USH2A: variants seen among roughly 807,000 people sequenced by gnomAD.
The protein encoded by USH2A is usherin.
USH2A carries 443 observed loss-of-function variants against 538.9 expected under a neutral mutation model. That is an observed-to-expected ratio of 0.82 (90% CI 0.76 to 0.89). The LOEUF is 0.89. USH2A is among the 40% of genes least tolerant of loss of function. The probability of loss-of-function intolerance (pLI) is 0.00; values close to 1 mark genes in which losing one functional copy is unlikely to be tolerated. For synonymous variants in USH2A, 2,413 were observed against 2,273.5 expected, an observed-to-expected ratio of 1.06 and a Z score of -1.75; for missense variants, 6,633 against 6,324.8, an observed-to-expected ratio of 1.05 and a Z score of -1.65.
chr1:216,126,803 A>G (rs1277263800), intron 21 of USH2A, among the ~76,000 whole-genome samples: 7 of 152,174 alleles, frequency 4.6e-5, no homozygotes, highest in Non-Finnish European at 1.0e-4. Flanking sequence ...TCCAAGCAGT[A>G]TTTCACTGGA....
At chr1:216,069,327 G>C (rs888902271) in intron 30 of USH2A, among the ~76,000 whole-genome samples, 19 of 152,198 alleles carry the variant, frequency 1.2e-4, no homozygotes, top group Admixed American at 8.5e-4. Context: ...GTAAAGTCTT[G>C]AGGGAATTGA....
chr1:216,290,888 GC>G (rs150672202), intron 10 of USH2A, among the ~76,000 whole-genome samples: 2,254 of 151,874 alleles, frequency 0.015, 57 homozygotes, highest in African/African-American at 0.052. Flanking sequence ...TCCTTCCCTT[GC>G]CTACACTCTG....
At chr1:216,312,360 TAGTC>T (rs1243286137) in intron 9 of USH2A, among the ~76,000 whole-genome samples, 2 of 152,202 alleles carry the variant, frequency 1.3e-5, no homozygotes, top group Non-Finnish European at 2.9e-5. Flanking sequence ...GAAAAATTCT[TAGTC>T]ATTATTGTTC....
chr1:216,040,140 T>G (rs2030210070), intron 32 of USH2A, among the ~76,000 whole-genome samples: 1 of 151,728 alleles, frequency 6.6e-6, no homozygotes, highest in African/African-American at 2.4e-5. Flanking sequence ...TCAGTCTTAG[T>G]GATAGAAATC....
chr1:215,958,404 A>G (rs1055749660), intron 37 of USH2A, among the ~76,000 whole-genome samples: 2 of 152,196 alleles, frequency 1.3e-5, no homozygotes, highest in African/African-American at 4.8e-5. Context: ...AGTTAAAAAT[A>G]CACTTTCATC....
At chr1:216,287,235 G>A (rs2036903472) in intron 11 of USH2A, among the ~76,000 whole-genome samples, 1 of 152,112 alleles carries the variant, frequency 6.6e-6, no homozygotes, top group African/African-American at 2.4e-5. Flanking sequence ...AATAGCAGCT[G>A]ACAAAATTCA....
intron 21 of USH2A, among the ~76,000 whole-genome samples, chr1:216,126,523 G>A (rs962586764): frequency 2.8e-4 from 42 of 151,988 alleles, no homozygotes; most frequent in Non-Finnish European, 5.1e-4. Context: ...GTGCTGGGCC[G>A]AGTGCTTGCT....
chr1:216,379,453 CAA>C (rs200210124), intron 3 of USH2A, among the ~76,000 whole-genome samples: 1 of 141,688 alleles, frequency 7.1e-6, no homozygotes, highest in Admixed American at 7.1e-5. Flanking sequence ...CTTTCTCCAG[CAA>C]AAAAAAAAAG....
At chr1:216,358,577 C>A (rs1056022280) in intron 4 of USH2A, among the ~76,000 whole-genome samples, 3 of 152,026 alleles carry the variant, frequency 2.0e-5, no homozygotes, top group East Asian at 1.9e-4. Context: ...GGCATGGAGC[C>A]TGGCTCATTA....
chr1:216,106,157 C>T (rs1481016603), intron 21 of USH2A, among the ~76,000 whole-genome samples: 1 of 147,074 alleles, frequency 6.8e-6, no homozygotes, highest in Non-Finnish European at 1.5e-5. Flanking sequence ...CACTATTTCA[C>T]TTTTATATAT....
chr1:215,952,855 G>A (rs1167747634), intron 37 of USH2A, among the ~76,000 whole-genome samples: 1 of 152,068 alleles, frequency 6.6e-6, no homozygotes, highest in Non-Finnish European at 1.5e-5. Context: ...ACAATTATGT[G>A]TCTTGGAGTT....
intron 64 of USH2A, among the ~76,000 whole-genome samples, chr1:215,657,347 G>C (rs1029081179): frequency 2.0e-5 from 3 of 152,210 alleles, no homozygotes; most frequent in African/African-American, 7.2e-5. Context: ...CTTCTTTGCT[G>C]GAATCGCGGT....
At chr1:216,124,534 A>C (rs189750671) in intron 21 of USH2A, among the ~76,000 whole-genome samples, 68 of 152,332 alleles carry the variant, frequency 4.5e-4, no homozygotes, top group African/African-American at 1.6e-3. Flanking sequence ...AGACAAAGCA[A>C]AAGCTCAGCA....
At chr1:216,095,823 G>C (rs1250710703) in intron 22 of USH2A, among the ~76,000 whole-genome samples, 1 of 152,092 alleles carries the variant, frequency 6.6e-6, no homozygotes, top group African/African-American at 2.4e-5. Flanking sequence ...GGATCTCCAG[G>C]GTTCATGAGG....
chr1:216,211,527 T>G (rs1463582918), intron 15 of USH2A, among the ~76,000 whole-genome samples: 1 of 152,236 alleles, frequency 6.6e-6, no homozygotes. Flanking sequence ...CCATGTACTA[T>G]GAATAGGCTT....
At chr1:215,903,277 C>T (rs1665550178) in intron 38 of USH2A, among the ~76,000 whole-genome samples, 1 of 152,040 alleles carries the variant, frequency 6.6e-6, no homozygotes, top group Non-Finnish European at 1.5e-5. Context: ...CAGTGCAGTG[C>T]TGGGCATAGC....
chr1:216,083,809 G>A (rs933042226), intron 25 of USH2A, among the ~76,000 whole-genome samples: 2 of 152,088 alleles, frequency 1.3e-5, no homozygotes, highest in East Asian at 1.9e-4. Context: ...TTAACAGGAA[G>A]AAATTTGCTC....
In USH2A at chr1:215,900,107, C is replaced by G. The variant is rs756609823; in HGVS notation, c.7562G>C (p.Ser2521Thr). ...VASNGFGSAH[S>T]SWIPFMTAED... ...TGCGGTCATGAATGGAATCCAAGAA[C>G]TATGTGCACTGCCAAATCCATTGGA... Residue 2521 changes from serine to threonine, a missense_variant, in exon 40 of 72, where the codon AGT becomes ACT. Physicochemically the swap from Ser to Thr is moderately conservative, Grantham distance 58. Transcript: ENST00000307340. 2 of 1,613,754 alleles carry G rather than the reference C, an allele frequency of 1.2e-6. No individual in the cohort carries two copies. The highest frequency in any genetic ancestry group is 1.7e-5 in the Admixed American group (1 of 59,972).
intron 32 of USH2A, among the ~76,000 whole-genome samples, chr1:216,024,083 C>G (rs1457777356): frequency 1.3e-5 from 2 of 152,054 alleles, no homozygotes; most frequent in Admixed American, 1.3e-4. Flanking sequence ...CTTTGATGCA[C>G]TTGCTATTGT....
Sources: allele counts gnomAD v4.1 joint callset (sites outside exome capture counted in the v4.1 genomes callset), GRCh38; gene constraint gnomAD v4.1.1; transcripts MANE v1.5; gene names NCBI Gene and HGNC (gene_info 2026-07-23, HGNC 2026-07-21).